CNTN5: variants seen among roughly 807,000 people sequenced by gnomAD.
The protein encoded by CNTN5 is contactin-5.
In CNTN5, 77 loss-of-function variants were observed where a neutral mutation model predicts 129.1. The ratio of observed to expected loss-of-function variants is 0.60; its 90% CI spans 0.50 to 0.72. The LOEUF (loss-of-function observed/expected upper bound fraction) is 0.72. Among genes scored for constraint, CNTN5 ranks in the 30% least tolerant of loss-of-function variants. The pLI is 0.00. For missense variants in CNTN5, 1,478 were observed against 1,328.8 expected (o/e 1.11, Z -1.75); for synonymous variants, 509 against 465.6 (o/e 1.09, Z -1.20).
At chr11:99,408,072 G>A (rs1173909183) in intron 2 of CNTN5, among the ~76,000 whole-genome samples, 1 of 152,050 alleles carries the variant, frequency 6.6e-6, no homozygotes, top group African/African-American at 2.4e-5. Flanking sequence ...GCTTTTTTCT[G>A]TAGATAGTCA....
intron 13 of CNTN5, among the ~76,000 whole-genome samples, chr11:100,154,196 C>A (rs1427831563): frequency 6.6e-6 from 1 of 152,022 alleles, no homozygotes; most frequent in African/African-American, 2.4e-5. Flanking sequence ...TGAGGACATG[C>A]AGTGTTTGGC....
At chr11:99,674,301 G>T (rs199835091) in intron 3 of CNTN5, among the ~76,000 whole-genome samples, 12 of 148,588 alleles carry the variant, frequency 8.1e-5, no homozygotes, top group African/African-American at 2.2e-4. Flanking sequence ...CCTTTTGATG[G>T]TTTTTTTTTC....
intron 8 of CNTN5, among the ~76,000 whole-genome samples, chr11:99,978,128 T>C (rs1012157778): frequency 6.6e-6 from 1 of 152,158 alleles, no homozygotes; most frequent in African/African-American, 2.4e-5. Context: ...TGTCTTTATT[T>C]TTAACAAAAG....
In CNTN5 at chr11:100,339,809, A is replaced by C. The variant is rs542021120; in HGVS notation, c.2731-654A>C. On this transcript the variant is annotated intron_variant, in intron 21 of 24. Transcript: ENST00000524871. ...TAATTGTGGGACAGTCATTGATCTC[A>C]CAAAGGGATGGAGTTTGCTGAAGCC... Among the ~76,000 whole-genome samples, 8 of 152,292 alleles carry C rather than the reference A, an allele frequency of 5.3e-5. No homozygotes were observed. In the East Asian group the frequency reaches 1.4e-3, roughly 26 times the overall value.
intron 18 of CNTN5, among the ~76,000 whole-genome samples, chr11:100,292,862 T>C (rs1191166408): frequency 6.6e-6 from 1 of 151,950 alleles, no homozygotes. Context: ...TCATTCCAAG[T>C]TCAGAAAACA....
intron 1 of CNTN5, among the ~76,000 whole-genome samples, chr11:99,219,889 TG>T (rs964677664): frequency 8.9e-4 from 136 of 152,062 alleles, no homozygotes; most frequent in African/African-American, 3.2e-3. Context: ...TTCTCATCTC[TG>T]CCTTATTGAA....
chr11:99,619,713 TACATA>T (rs977813677), intron 3 of CNTN5, among the ~76,000 whole-genome samples: 1 of 152,074 alleles, frequency 6.6e-6, no homozygotes, highest in African/African-American at 2.4e-5. Flanking sequence ...TTTCAGGTCT[TACATA>T]AAATGTGAAA....
chr11:99,220,062 C>T (rs1006401513), intron 1 of CNTN5, among the ~76,000 whole-genome samples: 21 of 151,936 alleles, frequency 1.4e-4, no homozygotes, highest in Admixed American at 1.3e-3. Context: ...GACACTCATT[C>T]CTGTCCTTTC....
intron 2 of CNTN5, among the ~76,000 whole-genome samples, chr11:99,369,801 T>C (rs1425382315): frequency 6.6e-6 from 1 of 152,116 alleles, no homozygotes; most frequent in East Asian, 1.9e-4. Flanking sequence ...TGCTAGGTGG[T>C]AGAAATATAT....
At chr11:99,936,802 G>A (rs1321857117) in intron 7 of CNTN5, among the ~76,000 whole-genome samples, 3 of 152,152 alleles carry the variant, frequency 2.0e-5, no homozygotes, top group Admixed American at 6.5e-5. Context: ...TGTGTTAAAT[G>A]TAGGGTTCTC....
intron 6 of CNTN5, among the ~76,000 whole-genome samples, chr11:99,881,826 G>T (rs937520326): frequency 1.3e-5 from 2 of 152,144 alleles, no homozygotes; most frequent in Non-Finnish European, 2.9e-5. Context: ...TTATTCAGCC[G>T]ACTACTATCT....
At chr11:99,850,870 T>A (rs1431613481) in intron 6 of CNTN5, among the ~76,000 whole-genome samples, 2 of 152,160 alleles carry the variant, frequency 1.3e-5, no homozygotes, top group Non-Finnish European at 2.9e-5. Flanking sequence ...TTCATAAAAA[T>A]TTTTTGTTTG....
chr11:100,055,168 T>C (rs1371484235), intron 9 of CNTN5, among the ~76,000 whole-genome samples: 1 of 151,626 alleles, frequency 6.6e-6, no homozygotes, highest in Non-Finnish European at 1.5e-5. Context: ...TTTTCTACTA[T>C]TTTATGATTT....
chr11:100,308,997 A>G (rs910624496), intron 21 of CNTN5: 1 of 984,780 alleles, frequency 1.0e-6, no homozygotes, highest in Non-Finnish European at 1.2e-6. Flanking sequence ...TTTCATATCA[A>G]ATGAATAACA....
At chr11:99,589,530 G>T (rs964728761) in intron 3 of CNTN5, among the ~76,000 whole-genome samples, 3 of 152,106 alleles carry the variant, frequency 2.0e-5, no homozygotes, top group Admixed American at 2.0e-4. Flanking sequence ...AATAGAAAAT[G>T]AATCAAAGGT....
At chr11:99,289,544 GTC>G (rs1205171852) in intron 1 of CNTN5, among the ~76,000 whole-genome samples, 3 of 151,450 alleles carry the variant, frequency 2.0e-5, no homozygotes. Flanking sequence ...CTTTCTTATT[GTC>G]TCTGATGTTT....
At chr11:99,173,663 T>TGAGAA (rs1390974020) in intron 1 of CNTN5, among the ~76,000 whole-genome samples, 3 of 152,212 alleles carry the variant, frequency 2.0e-5, no homozygotes, top group Admixed American at 1.3e-4. Context: ...ATAGAAAAGG[T>TGAGAA]GAGAAGAAGG....
At chr11:100,205,819 A>G (rs948830250) in intron 15 of CNTN5, among the ~76,000 whole-genome samples, 1 of 152,088 alleles carries the variant, frequency 6.6e-6, no homozygotes, top group African/African-American at 2.4e-5. Flanking sequence ...ACTATTTCAT[A>G]TAAGGGACTT....
chr11:99,654,860 G>A (rs1309129441), intron 3 of CNTN5, among the ~76,000 whole-genome samples: 2 of 151,068 alleles, frequency 1.3e-5, no homozygotes, highest in Admixed American at 6.7e-5. Context: ...GATGTACACA[G>A]CAAGTCAGTG....
Sources: gnomAD v4.1 joint callset for allele counts (sites outside exome capture counted in the v4.1 genomes callset) on GRCh38, gnomAD v4.1.1 for gene constraint, MANE v1.5 for transcripts, NCBI Gene and HGNC (gene_info 2026-07-23, HGNC 2026-07-21) for gene names.